The following BBS9 variants were observed in gnomAD, a reference collection of about 807,000 sequenced individuals.
BBS9 encodes the protein Bardet-Biedl syndrome 9, also known as protein PTHB1.
A neutral mutation model predicts 117.7 loss-of-function variants in BBS9; 89 were observed. That is an observed-to-expected ratio of 0.76 (90% confidence interval 0.64 to 0.90). BBS9 has a LOEUF of 0.90. Among genes scored for constraint, BBS9 ranks in the 40% least tolerant of loss-of-function variants. BBS9 has a pLI of 0.00. For synonymous variants in BBS9, 379 were observed against 370.9 expected, an observed-to-expected ratio of 1.02 and a Z score of -0.25; for missense variants, 982 against 1,042.2, an observed-to-expected ratio of 0.94 and a Z score of 0.80.
At chr7:33,571,820 A>C (rs551348572) in intron 21 of BBS9, among the ~76,000 whole-genome samples, 1 of 152,066 alleles carries the variant, frequency 6.6e-6, no homozygotes, top group South Asian at 2.1e-4. Context: ...ATATTTGTAC[A>C]TACCATAAAT....
chr7:33,393,091 G>C (rs977503738), intron 19 of BBS9, among the ~76,000 whole-genome samples: 3 of 152,090 alleles, frequency 2.0e-5, no homozygotes, highest in African/African-American at 2.4e-5. Flanking sequence ...GCTTTAGCCC[G>C]GGAGGTTGAG....
chr7:33,308,779 T>G (rs2128545922), intron 9 of BBS9, among the ~76,000 whole-genome samples: 1 of 152,324 alleles, frequency 6.6e-6, no homozygotes, highest in South Asian at 2.1e-4. Context: ...ACTTTGTACT[T>G]ATTGTTCCTC....
chr7:33,408,975 A>C (rs1243771605), intron 19 of BBS9, among the ~76,000 whole-genome samples: 1 of 152,086 alleles, frequency 6.6e-6, no homozygotes, highest in Admixed American at 6.5e-5. Flanking sequence ...ATGAACATTT[A>C]TTCATATGTT....
Position 33,264,315 on chromosome 7 carries a change from G to T in BBS9, c.643G>T (p.Asp215Tyr). 6.4e-7 allele frequency: 1 copy of T among 1,560,208 alleles called. No individual in the cohort carries two copies. The highest frequency in any genetic ancestry group is 8.7e-7 in the Non-Finnish European group (1 of 1,152,584). Reference protein sequence around the residue: ...YKYQVLAFATDADKRQETEQQ... With the variant: ...YKYQVLAFATYADKRQETEQQ... ...GTACCAGGTACTTGCTTTTGCAACA[G>T]ATGCAGATAAAAGGCAGGAGACTGA... The change falls in exon 7 of 23, where the codon GAT becomes TAT. Residue 215 changes from aspartate (D) to tyrosine (Y), a missense_variant. By Grantham distance (160) the Asp-to-Tyr change is radical (BLOSUM62 -3). Coordinates refer to ENST00000242067, the MANE Select transcript of BBS9 (RefSeq NM_198428.3).
chr7:33,139,121 G>T (rs993059913), intron 1 of BBS9, among the ~76,000 whole-genome samples: 2 of 151,000 alleles, frequency 1.3e-5, no homozygotes, highest in African/African-American at 4.8e-5. Context: ...GCGTGGTGGC[G>T]CATGCCTGTA....
At chr7:33,439,823 G>A (rs560849118) in intron 19 of BBS9, among the ~76,000 whole-genome samples, 41 of 152,222 alleles carry the variant, frequency 2.7e-4, no homozygotes, top group South Asian at 6.2e-4. Context: ...CACTGCGCCC[G>A]GCCTTTTATC....
At position 33,379,284 on chromosome 7, in the gene BBS9, T is replaced by G. The variant is rs114217937; in HGVS notation, c.1790-4382T>G. ...GTGTCTTTTTACTTCTGGGGCCAGA[T>G]GATACAGTTCTTTAAACGTGTGATA... On this transcript the variant is annotated intron_variant, in intron 17 of 22. Transcript: ENST00000242067. Among the ~76,000 whole-genome samples the G allele has an allele frequency of 8.9e-3, 1,351 of 152,326 alleles. 21 individuals carry two copies. Among genetic ancestry groups the G allele is most frequent in the African/African-American group, 0.031 (1,297 of 41,568 alleles).
At chr7:33,453,969 T>C (rs1429134953) in intron 19 of BBS9, among the ~76,000 whole-genome samples, 1 of 152,220 alleles carries the variant, frequency 6.6e-6, no homozygotes, top group Non-Finnish European at 1.5e-5. Flanking sequence ...TCAAAAGTTG[T>C]ATATGGATTT....
At chr7:33,280,410 C>G (rs1166252562) in intron 9 of BBS9, among the ~76,000 whole-genome samples, 1 of 113,154 alleles carries the variant, frequency 8.8e-6, no homozygotes, top group African/African-American at 3.0e-5. Flanking sequence ...TGTTCTTTAG[C>G]TTTCATTGAT....
At chr7:33,171,282 C>A (rs1268358187) in intron 4 of BBS9, among the ~76,000 whole-genome samples, 1 of 151,732 alleles carries the variant, frequency 6.6e-6, no homozygotes, top group Non-Finnish European at 1.5e-5. Flanking sequence ...CAGAACAGAG[C>A]CCTCAGAAAT....
intron 19 of BBS9, among the ~76,000 whole-genome samples, chr7:33,412,111 A>T (rs1369442262): frequency 6.6e-6 from 1 of 152,196 alleles, no homozygotes; most frequent in Non-Finnish European, 1.5e-5. Flanking sequence ...TGTATAGCTC[A>T]ACAATAGATT....
chr7:33,582,337 C>T (rs1402089315), intron 21 of BBS9, among the ~76,000 whole-genome samples: 1 of 151,940 alleles, frequency 6.6e-6, no homozygotes, highest in Non-Finnish European at 1.5e-5. Flanking sequence ...TGTGAGCAGA[C>T]CCATGGGGCT....
intron 19 of BBS9, among the ~76,000 whole-genome samples, chr7:33,458,205 G>T: frequency 1.3e-5 from 2 of 152,278 alleles, no homozygotes; most frequent in East Asian, 3.9e-4. Context: ...AAGAAGAAAT[G>T]TGAAAGTCAT....
In BBS9 at chr7:33,397,364, G is replaced by A. The variant is rs528303496; in HGVS notation, c.2115+9220G>A. On this transcript the variant is annotated intron_variant, in intron 19 of 22. Coordinates refer to ENST00000242067, the MANE Select transcript of BBS9 (RefSeq NM_198428.3). ...AAGAGAAAAAGGAACACTTTTATAC[G>A]TTGGTGGGAGTGTAATTTAGTTCAG... 4.5e-4 allele frequency among the ~76,000 whole-genome samples: 68 copies of A among 152,272 alleles called. 1 individual carries two copies. The highest frequency in any genetic ancestry group is 1.0e-3 in the African/African-American group (43 of 41,562).
At chr7:33,173,012 G>A (rs1246420732) in intron 4 of BBS9, among the ~76,000 whole-genome samples, 4 of 152,288 alleles carry the variant, frequency 2.6e-5, no homozygotes, top group African/African-American at 9.6e-5. Context: ...TTGCAGAAGG[G>A]TTTCAAGATA....
intron 5 of BBS9, among the ~76,000 whole-genome samples, chr7:33,184,974 C>T (rs1375148672): frequency 6.6e-6 from 1 of 152,154 alleles, no homozygotes; most frequent in Admixed American, 6.5e-5. Context: ...GGCAATTTCC[C>T]CAGAACTGAG....
chr7:33,246,299 T>G (rs1320451831), intron 5 of BBS9, among the ~76,000 whole-genome samples: 3 of 151,822 alleles, frequency 2.0e-5, no homozygotes, highest in East Asian at 1.9e-4. Context: ...TTTAGTTGTT[T>G]TTTTTTTTTT....
chr7:33,274,860 C>T (rs550812782), intron 9 of BBS9, among the ~76,000 whole-genome samples: 31 of 151,842 alleles, frequency 2.0e-4, no homozygotes, highest in Admixed American at 1.3e-3. Flanking sequence ...CCAGGTGTGG[C>T]GGCGTGTGCA....
chr7:33,471,112 G>A (rs1202148472), intron 19 of BBS9, among the ~76,000 whole-genome samples: 2 of 152,076 alleles, frequency 1.3e-5, no homozygotes, highest in Non-Finnish European at 1.5e-5. Flanking sequence ...ATCAACTTGG[G>A]TAACTCTTGG....
Sources: gnomAD v4.1 joint callset for allele counts (sites outside exome capture counted in the v4.1 genomes callset) on GRCh38, gnomAD v4.1.1 for gene constraint, MANE v1.5 for transcripts, NCBI Gene and HGNC (gene_info 2026-07-23, HGNC 2026-07-21) for gene names.